Variants in CCDC148 observed in about 807,000 individuals in gnomAD.
CCDC148 encodes the protein coiled-coil domain containing 148.
Under a neutral mutation model 85.7 loss-of-function variants are expected in CCDC148, and 89 were observed. The observed-to-expected ratio is 1.04, with a 90% CI of 0.87 to 1.24. CCDC148 has a LOEUF of 1.24. Ranked by LOEUF, CCDC148 falls within the 50% of genes most tolerant of loss-of-function variation. The pLI, the probability that CCDC148 is intolerant of heterozygous loss-of-function variation, is 0.00. For missense variants in CCDC148, 692 were observed against 671.7 expected, an observed-to-expected ratio of 1.03 and a Z score of -0.33; for synonymous variants, 230 against 213.9, an observed-to-expected ratio of 1.08 and a Z score of -0.66.
At chr2:158,226,418 C>G (rs532026684) in intron 10 of CCDC148, among the ~76,000 whole-genome samples, 37 of 152,250 alleles carry the variant, frequency 2.4e-4, no homozygotes, top group African/African-American at 8.9e-4. Flanking sequence ...CTATTCCAAT[C>G]AATAGAAAAA....
At chr2:158,282,662 A>T (rs1384694206) in intron 9 of CCDC148, among the ~76,000 whole-genome samples, 2 of 152,244 alleles carry the variant, frequency 1.3e-5, no homozygotes, top group Non-Finnish European at 2.9e-5. Flanking sequence ...TTCCATGCTC[A>T]TGGGTAGGAA....
At chr2:158,337,904 C>A (rs1229569649) in intron 7 of CCDC148, among the ~76,000 whole-genome samples, 1 of 152,148 alleles carries the variant, frequency 6.6e-6, no homozygotes, top group East Asian at 1.9e-4. Context: ...AAATATTTGT[C>A]ATATTCGTCT....
At chr2:158,193,981 C>G (rs901767924) in intron 11 of CCDC148, among the ~76,000 whole-genome samples, 2 of 146,646 alleles carry the variant, frequency 1.4e-5, no homozygotes, top group African/African-American at 5.1e-5. Context: ...CAAACCTGCA[C>G]GTTGTGCACA....
intron 1 of CCDC148, among the ~76,000 whole-genome samples, chr2:158,373,328 T>C (rs1684527144): frequency 6.6e-6 from 1 of 152,106 alleles, no homozygotes; most frequent in Non-Finnish European, 1.5e-5. Context: ...ATTTTGGATG[T>C]CTGACCTCCA....
At chr2:158,227,177 G>A (rs554003788) in intron 10 of CCDC148, among the ~76,000 whole-genome samples, 114 of 152,036 alleles carry the variant, frequency 7.5e-4, no homozygotes, top group African/African-American at 2.6e-3. Flanking sequence ...CAAACAGAGA[G>A]CCAAATCATG....
At chr2:158,419,864 C>A (rs1574787388) in intron 1 of CCDC148, 1 of 152,028 alleles carries the variant, frequency 6.6e-6, no homozygotes, top group Non-Finnish European at 1.5e-5. Flanking sequence ...CTTTCCCCAC[C>A]CCTAGAAAGA....
At chr2:158,387,707 T>G (rs894624172) in intron 1 of CCDC148, among the ~76,000 whole-genome samples, 8 of 152,068 alleles carry the variant, frequency 5.3e-5, no homozygotes, top group African/African-American at 1.4e-4. Context: ...AAACCCCATG[T>G]CAGGCTGTCC....
intron 9 of CCDC148, among the ~76,000 whole-genome samples, chr2:158,283,224 G>T (rs1468183639): frequency 6.6e-6 from 1 of 152,178 alleles, no homozygotes; most frequent in African/African-American, 2.4e-5. Flanking sequence ...CATGGGCAAG[G>T]ACTTCATGTC....
rs1688753283 is a variant in CCDC148 at position 158,456,508 on chromosome 2, G to A, written c.-69C>T. 2 of 1,569,288 alleles carry A rather than the reference G, an allele frequency of 1.3e-6. No individual in the cohort carries two copies. The highest frequency in any genetic ancestry group is 8.6e-7 in the Non-Finnish European group (1 of 1,156,758). ...GGAAAAGTGAAACGCCCACTCCTGG[G>A]CTCTCGCCGTCAGGGGTACATCTAA... is the stretch of plus-strand genomic sequence containing the variant. On this transcript the variant is annotated 5_prime_UTR_variant, in exon 1 of 14. Coordinates refer to ENST00000283233, the MANE Select transcript of CCDC148 (RefSeq NM_138803.4).
chr2:158,416,804 C>G (rs988668239), intron 1 of CCDC148, among the ~76,000 whole-genome samples: 1 of 152,162 alleles, frequency 6.6e-6, no homozygotes, highest in Admixed American at 6.5e-5. Flanking sequence ...AGCAATGCCC[C>G]ACTTCTCAGT....
At chr2:158,181,165 C>G (rs1163268460) in intron 11 of CCDC148, among the ~76,000 whole-genome samples, 3 of 152,146 alleles carry the variant, frequency 2.0e-5, no homozygotes. Context: ...TGGAAAGTTT[C>G]TCTTCCTTTG....
intron 1 of CCDC148, among the ~76,000 whole-genome samples, chr2:158,371,173 C>T (rs1684424303): frequency 6.6e-6 from 1 of 151,924 alleles, no homozygotes; most frequent in Non-Finnish European, 1.5e-5. Context: ...CATCAAGAAT[C>T]CTTCAAGATA....
intron 7 of CCDC148, among the ~76,000 whole-genome samples, chr2:158,329,917 A>G (rs1165711399): frequency 1.3e-5 from 2 of 152,176 alleles, no homozygotes; most frequent in Admixed American, 1.3e-4. Context: ...GGCTGAGACA[A>G]TGGGGTTTTC....
At chr2:158,424,293 A>G (rs891501166) in intron 1 of CCDC148, among the ~76,000 whole-genome samples, 1 of 152,190 alleles carries the variant, frequency 6.6e-6, no homozygotes, top group Non-Finnish European at 1.5e-5. Context: ...CACTATTCAC[A>G]ATAGAAAAGA....
chr2:158,237,177 C>G (rs527844911), intron 10 of CCDC148, among the ~76,000 whole-genome samples: 1 of 152,104 alleles, frequency 6.6e-6, no homozygotes, highest in Non-Finnish European at 1.5e-5. Flanking sequence ...TGGAGCTCAA[C>G]GATGGGAAGA....
intron 9 of CCDC148, among the ~76,000 whole-genome samples, chr2:158,307,241 A>C (rs1186220507): frequency 6.6e-6 from 1 of 152,044 alleles, no homozygotes; most frequent in East Asian, 1.9e-4. Flanking sequence ...AAAGCACAAA[A>C]CCCAATAGAA....
chr2:158,415,554 C>T (rs866306311), intron 1 of CCDC148, among the ~76,000 whole-genome samples: 6 of 137,232 alleles, frequency 4.4e-5, no homozygotes, highest in African/African-American at 8.0e-5. Flanking sequence ...AACTCATTTC[C>T]GCATTAACTC....
chr2:158,301,783 G>A (rs550806454), intron 9 of CCDC148, among the ~76,000 whole-genome samples: 2 of 152,338 alleles, frequency 1.3e-5, no homozygotes, highest in South Asian at 2.1e-4. Context: ...GGATCAGGAT[G>A]GAAGAGCCTT....
At chr2:158,340,531 G>T in intron 4 of CCDC148, 67 bp downstream of exon 4, 2 of 1,376,452 alleles carry the variant, frequency 1.5e-6, no homozygotes, top group Non-Finnish European at 2.0e-6. Context: ...AGAACATGAA[G>T]TGAGTGGCCC....
Sources: gnomAD v4.1 joint callset for allele counts (sites outside exome capture counted in the v4.1 genomes callset) on GRCh38, gnomAD v4.1.1 for gene constraint, MANE v1.5 for transcripts, NCBI Gene and HGNC (gene_info 2026-07-23, HGNC 2026-07-21) for gene names.